The following KPNA1 variants were observed in gnomAD, a reference collection of about 807,000 sequenced individuals.
The protein encoded by KPNA1 is karyopherin subunit alpha 1, also known as importin subunit alpha-5.
A neutral mutation model predicts 70.5 loss-of-function variants in KPNA1; 10 were observed. The observed-to-expected ratio is 0.14, with a 90% CI of 0.09 to 0.24. KPNA1 has a LOEUF of 0.24. Ranked by LOEUF, KPNA1 falls within the 10% of genes least tolerant of loss-of-function variation. KPNA1 has a pLI of 1.00. For missense variants in KPNA1, 397 were observed against 637.9 expected, an observed-to-expected ratio of 0.62 and a Z score of 4.07; for synonymous variants, 192 against 221.9, an observed-to-expected ratio of 0.87 and a Z score of 1.20.
intron 12 of KPNA1, among the ~76,000 whole-genome samples, chr3:122,430,662 A>C (rs1363472211): frequency 6.6e-6 from 1 of 152,164 alleles, no homozygotes; most frequent in African/African-American, 2.4e-5. Context: ...CACAAAAAGA[A>C]TAGAAAGCCC....
At chr3:122,452,896 A>G (rs757182457) in intron 6 of KPNA1, among the ~76,000 whole-genome samples, 4 of 152,164 alleles carry the variant, frequency 2.6e-5, no homozygotes, top group Non-Finnish European at 5.9e-5. Flanking sequence ...AAAACAGTGA[A>G]CAAAAAGAAA....
At chr3:122,500,363 C>T (rs2076813325) in intron 1 of KPNA1, among the ~76,000 whole-genome samples, 1 of 152,060 alleles carries the variant, frequency 6.6e-6, no homozygotes, top group Non-Finnish European at 1.5e-5. Context: ...CTCAGAAGAT[C>T]CACCCGCCTC....
rs1485571917 is a variant in KPNA1 at position 122,427,176 on chromosome 3, A to G, written c.1430-4T>C. The G allele has an allele frequency of 1.1e-5, 18 of 1,605,308 alleles. No individual in the cohort carries two copies. The highest frequency in any genetic ancestry group is 1.5e-5 in the Non-Finnish European group (18 of 1,174,228). ...AAGAACTCAATTTTATCCAGACCTA[A>G]AATGAAGAATAAAGGAAAATCTTTA... On this transcript the variant is annotated splice_polypyrimidine_tract_variant and splice_region_variant and intron_variant, in intron 13 of 13. Coordinates refer to ENST00000344337, the MANE Select transcript of KPNA1 (RefSeq NM_002264.4).
Position 122,423,085 on chromosome 3 carries a change from A to G in KPNA1, c.*3900T>C, listed in dbSNP as rs1361179173. ...TGGGATTACAGGCATGAGCCACCAC[A>G]TCCGGCCATAAACCCAGTAATTTTG... On this transcript the variant is annotated 3_prime_UTR_variant, in exon 14 of 14. Transcript: ENST00000344337. 1 of 152,206 alleles carries G rather than the reference A, an allele frequency of 6.6e-6. No homozygotes were observed. The highest frequency in any genetic ancestry group is 1.5e-5 in the Non-Finnish European group (1 of 68,032). 9.4% of individuals were successfully genotyped at this position (152,206 alleles called of 1,614,324 possible). A position where few individuals can be genotyped will look rare whatever the true frequency, so the allele number is the denominator to read the frequency against.
At chr3:122,459,232 T>C (rs1462076360) in intron 5 of KPNA1, among the ~76,000 whole-genome samples, 2 of 152,212 alleles carry the variant, frequency 1.3e-5, no homozygotes, top group Admixed American at 6.5e-5. Context: ...TACAAGGGAA[T>C]GCAGAGATGG....
chr3:122,484,891 C>G (rs1245582152), intron 2 of KPNA1, among the ~76,000 whole-genome samples: 1 of 152,080 alleles, frequency 6.6e-6, no homozygotes, highest in East Asian at 1.9e-4. Context: ...CTACAATAAC[C>G]AAAACAACGT....
intron 6 of KPNA1, among the ~76,000 whole-genome samples, chr3:122,452,671 G>A (rs2076220769): frequency 8.2e-6 from 1 of 121,664 alleles, no homozygotes; most frequent in Non-Finnish European, 1.8e-5. Flanking sequence ...GGAAGCAAGA[G>A]AAGGAGGGAA....
chr3:122,451,328 T>C (rs1403979877), intron 8 of KPNA1, among the ~76,000 whole-genome samples: 2 of 152,214 alleles, frequency 1.3e-5, no homozygotes, highest in Admixed American at 1.3e-4. Flanking sequence ...ATCGTAAATG[T>C]GCACCTTCAA....
intron 1 of KPNA1, among the ~76,000 whole-genome samples, chr3:122,498,982 T>G (rs1373980295): frequency 6.6e-6 from 1 of 152,258 alleles, no homozygotes; most frequent in African/African-American, 2.4e-5. Flanking sequence ...GTATTTAATT[T>G]TTATACCATT....
At chr3:122,451,168 C>T (rs2076198587) in intron 8 of KPNA1, among the ~76,000 whole-genome samples, 1 of 152,052 alleles carries the variant, frequency 6.6e-6, no homozygotes, top group South Asian at 2.1e-4. Context: ...ATCTCATGGA[C>T]TCCCAGAGAA....
At chr3:122,463,049 C>A (rs1481967953) in intron 4 of KPNA1, among the ~76,000 whole-genome samples, 1 of 151,934 alleles carries the variant, frequency 6.6e-6, no homozygotes, top group Non-Finnish European at 1.5e-5. Flanking sequence ...GAAATCCTAT[C>A]TCTACTAAAA....
rs911734238 is a variant in KPNA1 at position 122,440,233 on chromosome 3, GA to G, written c.996+1804del. Among the ~76,000 whole-genome samples, 15 of 150,640 alleles carry G rather than the reference GA, an allele frequency of 1.0e-4. No homozygotes were observed. The East Asian group carries it at 1.2e-3, about 12-fold the overall frequency. On this transcript the variant is annotated intron_variant, in intron 10 of 13. Coordinates refer to ENST00000344337, the MANE Select transcript of KPNA1 (RefSeq NM_002264.4). ...TGTGATTAATATTCTGATGGATAAA[GA>G]AAAAAAAATAAGTACCTAACTTAAG... is the stretch of plus-strand genomic sequence containing the variant.
At chr3:122,455,728 A>G (rs893947664) in intron 5 of KPNA1, among the ~76,000 whole-genome samples, 5 of 151,868 alleles carry the variant, frequency 3.3e-5, no homozygotes, top group Admixed American at 3.3e-4. Context: ...GCTAATTTTT[A>G]TATTTTTAGT....
At chr3:122,434,700 G>A (rs570967914) in intron 11 of KPNA1, among the ~76,000 whole-genome samples, 21 of 152,264 alleles carry the variant, frequency 1.4e-4, no homozygotes, top group Admixed American at 1.3e-3. Flanking sequence ...ATAGTTGGAT[G>A]GAGTACTTTT....
rs531309753 is a variant in KPNA1, at chr3:122,468,242, A to C, written c.130-813T>G. 3.9e-5 allele frequency among the ~76,000 whole-genome samples: 6 copies of C among 152,350 alleles called. No homozygotes were observed. The South Asian group carries it at 1.2e-3, about 32-fold the overall frequency. ...ACAGTTCCAGGCTGCAGTGCAGGAA[A>C]GGTAAACTCAACCAGAGTTTAGATG... On this transcript the variant is annotated intron_variant, in intron 2 of 13. Transcript: ENST00000344337.
chr3:122,429,560 T>TAA (rs887877192), intron 12 of KPNA1, among the ~76,000 whole-genome samples: 1 of 144,374 alleles, frequency 6.9e-6, no homozygotes, highest in Non-Finnish European at 1.5e-5. Flanking sequence ...ACTGATGATC[T>TAA]AAAAAAAAAA....
At chr3:122,464,095 G>A in intron 3 of KPNA1, 54 bp from the exon 4 acceptor site, 1 of 952,098 alleles carries the variant, frequency 1.1e-6, no homozygotes, top group Non-Finnish European at 1.5e-6. Flanking sequence ...TAATTCAAAG[G>A]AAAGAAAGAT....
chr3:122,447,453 C>T (rs1002515158), intron 9 of KPNA1, among the ~76,000 whole-genome samples: 5 of 152,102 alleles, frequency 3.3e-5, no homozygotes, highest in African/African-American at 1.2e-4. Context: ...GCAGAAAAGG[C>T]CTTTGACAAA....
chr3:122,455,378 T>C (rs2107739863), intron 5 of KPNA1, among the ~76,000 whole-genome samples: 1 of 152,248 alleles, frequency 6.6e-6, no homozygotes, highest in South Asian at 2.1e-4. Flanking sequence ...AGAGCCCGTA[T>C]CTGGTCCCTT....
Sources: allele counts gnomAD v4.1 joint callset (sites outside exome capture counted in the v4.1 genomes callset), GRCh38; gene constraint gnomAD v4.1.1; transcripts MANE v1.5; gene names NCBI Gene and HGNC (gene_info 2026-07-23, HGNC 2026-07-21).